The following CSMD3 variants were observed in gnomAD, a reference collection of about 807,000 sequenced individuals.
CSMD3 encodes the protein CUB and sushi domain-containing protein 3.
A neutral mutation model predicts 435.2 loss-of-function variants in CSMD3; 177 were observed. The observed-to-expected ratio is 0.41, with a 90% CI of 0.36 to 0.46. CSMD3 has a LOEUF of 0.46. CSMD3 is among the 20% of genes least tolerant of loss of function. The probability of loss-of-function intolerance (pLI) is 0.34; values close to 1 mark genes in which losing one functional copy is unlikely to be tolerated. For missense variants in CSMD3, 4,265 were observed against 4,504.6 expected (o/e 0.95, Z 1.52); for synonymous variants, 1,656 against 1,520.5 (o/e 1.09, Z -2.07).
intron 24 of CSMD3, among the ~76,000 whole-genome samples, chr8:112,561,460 T>C (rs117774820): frequency 1.3e-3 from 191 of 151,762 alleles, no homozygotes; most frequent in Non-Finnish European, 2.5e-3. Context: ...TGTAAGTTAT[T>C]TGAAATCTAC....
At chr8:112,798,359 TA>T (rs966108210) in intron 13 of CSMD3, among the ~76,000 whole-genome samples, 1 of 151,748 alleles carries the variant, frequency 6.6e-6, no homozygotes, top group African/African-American at 2.4e-5. Flanking sequence ...TCTCTAGGGA[TA>T]AAAAAACAGA....
chr8:112,959,308 G>A (rs1474544486), intron 7 of CSMD3, among the ~76,000 whole-genome samples: 1 of 151,818 alleles, frequency 6.6e-6, no homozygotes, highest in East Asian at 1.9e-4. Context: ...TTTCCACTTG[G>A]ATTATATTCT....
At chr8:112,893,436 A>G (rs1045372481) in intron 10 of CSMD3, among the ~76,000 whole-genome samples, 8 of 151,476 alleles carry the variant, frequency 5.3e-5, no homozygotes, top group African/African-American at 1.9e-4. Context: ...TTAAATTAAA[A>G]CATCTAGGGA....
At position 112,546,107 on chromosome 8, in the gene CSMD3, C is replaced by T. The variant is rs73328696; in HGVS notation, c.4564+4564G>A. Reference sequence around the variant, plus strand: ...GAGTTTGCAAAGCAGTAGAAACGTGCGACGATATTGTCCTTTCAGGACAAT... The same window carrying T: ...GAGTTTGCAAAGCAGTAGAAACGTGTGACGATATTGTCCTTTCAGGACAAT... On this transcript the variant is annotated intron_variant, in intron 27 of 70. Coordinates refer to ENST00000297405, the MANE Select transcript of CSMD3 (RefSeq NM_198123.2). 1.1e-3 allele frequency among the ~76,000 whole-genome samples: 174 copies of T among 152,212 alleles called. 2 individuals are homozygous for T. Among genetic ancestry groups the T allele is most frequent in the African/African-American group, 3.0e-3 (124 of 41,538 alleles).
chr8:112,475,978 T>G (rs565826824), intron 31 of CSMD3, among the ~76,000 whole-genome samples: 1 of 152,322 alleles, frequency 6.6e-6, no homozygotes, highest in East Asian at 1.9e-4. Context: ...GCATTAAACA[T>G]AAGAACCCAC....
intron 36 of CSMD3, among the ~76,000 whole-genome samples, chr8:112,389,592 G>A (rs1379217639): frequency 2.0e-5 from 3 of 152,064 alleles, no homozygotes; most frequent in Admixed American, 6.5e-5. Flanking sequence ...TTTTTAAAAC[G>A]TCTGAACAAT....
chr8:112,304,629 A>G, intron 52 of CSMD3, 92 bp downstream of exon 52: 1 of 935,328 alleles, frequency 1.1e-6, no homozygotes, highest in East Asian at 2.4e-5. Context: ...TCATCCAATT[A>G]TTGATCTAAT....
chr8:112,319,867 T>G (rs1271254708), intron 46 of CSMD3, 34 bp downstream of exon 46: 1 of 1,439,096 alleles, frequency 6.9e-7, no homozygotes, highest in Admixed American at 1.7e-5. Context: ...CTGCCAGCAG[T>G]ATGTTTTCCT....
chr8:113,237,439 T>C (rs2093162861), intron 3 of CSMD3, among the ~76,000 whole-genome samples: 1 of 152,210 alleles, frequency 6.6e-6, no homozygotes, highest in Non-Finnish European at 1.5e-5. Context: ...TGAGTGACTT[T>C]TGGCCAGACT....
chr8:112,438,571 T>C (rs1179957432), intron 32 of CSMD3, among the ~76,000 whole-genome samples: 4 of 152,130 alleles, frequency 2.6e-5, no homozygotes, highest in African/African-American at 7.2e-5. Flanking sequence ...GGCAGAGCAA[T>C]AGTTACTTTA....
chr8:112,468,234 A>ATTTTTTTTTT (rs771573736), intron 32 of CSMD3, among the ~76,000 whole-genome samples: 1 of 93,720 alleles, frequency 1.1e-5, no homozygotes, highest in African/African-American at 3.4e-5. Context: ...TGCCTAAAGT[A>ATTTTTTTTTT]TTTTTTTTTT....
intron 32 of CSMD3, among the ~76,000 whole-genome samples, chr8:112,446,130 T>C (rs573218268): frequency 1.6e-4 from 25 of 152,260 alleles, no homozygotes; most frequent in Admixed American, 5.9e-4. Context: ...CTAAGAAGCA[T>C]TGGGAGCAGA....
chr8:112,294,823 C>T (rs1029853283), intron 54 of CSMD3, among the ~76,000 whole-genome samples: 1 of 152,010 alleles, frequency 6.6e-6, no homozygotes, highest in South Asian at 2.1e-4. Flanking sequence ...TACATATATT[C>T]ATATGTTTTG....
At position 112,265,419 on chromosome 8, in the gene CSMD3, G is replaced by A. The variant is rs140289761; in HGVS notation, c.9680C>T (p.Thr3227Ile). ...AGAAATCATTATCATACCTCTACAAGTTGGCATTACTCCACTCCATGTGCC... is the reference window on the plus strand; with the variant it reads ...AGAAATCATTATCATACCTCTACAAATTGGCATTACTCCACTCCATGTGCC... Reference protein sequence around the residue: ...INGTWSGVMPTCRAVTCPTPP... With the variant: ...INGTWSGVMPICRAVTCPTPP... The change falls in exon 60 of 71, where the codon ACT becomes ATT. Residue 3227 changes from threonine (T) to isoleucine (I), a missense_variant. Transcript: ENST00000297405. 27 of 1,610,032 alleles carry A rather than the reference G, an allele frequency of 1.7e-5. No homozygotes were observed. In the African/African-American group the frequency reaches 2.5e-4, roughly 15 times the overall value.
intron 13 of CSMD3, among the ~76,000 whole-genome samples, chr8:112,692,085 G>T (rs1437985576): frequency 6.6e-6 from 1 of 152,056 alleles, no homozygotes; most frequent in Non-Finnish European, 1.5e-5. Context: ...TTACAGGTGT[G>T]AGCCACTGCG....
chr8:112,620,164 T>C (rs965230585), intron 22 of CSMD3, among the ~76,000 whole-genome samples: 1 of 152,112 alleles, frequency 6.6e-6, no homozygotes, highest in Non-Finnish European at 1.5e-5. Flanking sequence ...TGTCAGGTCA[T>C]AGGAAAAAAA....
At chr8:112,584,923 C>A (rs569926731) in intron 23 of CSMD3, among the ~76,000 whole-genome samples, 2 of 151,754 alleles carry the variant, frequency 1.3e-5, no homozygotes, top group African/African-American at 4.8e-5. Flanking sequence ...CCTAAGATGA[C>A]TTTAGGCTCT....
In CSMD3 at chr8:112,609,830, T is replaced by C. The variant is rs1045107751; in HGVS notation, c.3716-22595A>G. Among the ~76,000 whole-genome samples, 29 of 152,272 alleles carry C rather than the reference T, an allele frequency of 1.9e-4. 1 individual carries two copies. The highest frequency in any genetic ancestry group is 6.5e-4 in the African/African-American group (27 of 41,558). ...ATGGAATATTATTCAATATGGAATA[T>C]TATTTAGCACTTAAAGAGAAGAAAA... On this transcript the variant is annotated intron_variant, in intron 22 of 70. Coordinates refer to ENST00000297405, the MANE Select transcript of CSMD3 (RefSeq NM_198123.2).
intron 10 of CSMD3, among the ~76,000 whole-genome samples, chr8:112,877,605 C>G (rs755388702): frequency 2.0e-5 from 3 of 152,072 alleles, no homozygotes; most frequent in Non-Finnish European, 4.4e-5. Context: ...GTCCATATAG[C>G]CAAGACAATC....
Sources: allele counts gnomAD v4.1 joint callset (sites outside exome capture counted in the v4.1 genomes callset), GRCh38; gene constraint gnomAD v4.1.1; transcripts MANE v1.5; gene names NCBI Gene and HGNC (gene_info 2026-07-23, HGNC 2026-07-21).